The following ONECUT3 variants were observed in gnomAD, a reference collection of about 807,000 sequenced individuals.
ONECUT3 encodes one cut homeobox 3.
Under a neutral mutation model 16.8 loss-of-function variants are expected in ONECUT3, and 11 were observed. That is an observed-to-expected ratio of 0.66 (90% CI 0.41 to 1.09). The LOEUF is 1.09. Among genes scored for constraint, ONECUT3 ranks in the 50% least tolerant of loss-of-function variants. ONECUT3 has a pLI of 0.00. For synonymous variants in ONECUT3, 344 were observed against 310.7 expected, an observed-to-expected ratio of 1.11 and a Z score of -1.13; for missense variants, 637 against 629.9, an observed-to-expected ratio of 1.01 and a Z score of -0.12.
In ONECUT3 at chr19:1,775,790, A is replaced by C; in HGVS notation, c.*345A>C. 1 of 203,106 alleles carries C rather than the reference A, an allele frequency of 4.9e-6. No homozygotes were observed. Among genetic ancestry groups the C allele is most frequent in the Non-Finnish European group, 9.8e-6 (1 of 102,446 alleles). The allele number at this position is 203,106 out of a possible 1,614,324, so 12.6% of individuals were successfully genotyped here. A position where few individuals can be genotyped will look rare whatever the true frequency, so the allele number is the denominator to read the frequency against. ...ACCAGGGCTCACTGTGTTGTCCCCT[A>C]AAGCGGGTCAAGAAGCACATACTAG... On this transcript the variant is annotated 3_prime_UTR_variant, in exon 2 of 2. Transcript: ENST00000382349.
At position 1,780,313 on chromosome 19, in the gene ONECUT3, G is replaced by C. The variant is rs981824830; in HGVS notation, c.*4868G>C. The C allele has an allele frequency of 1.3e-5, 2 of 152,116 alleles. No individual in the cohort carries two copies. Among genetic ancestry groups the C allele is most frequent in the African/African-American group, 4.8e-5 (2 of 41,406 alleles). 9.4% of individuals were successfully genotyped at this position (152,116 alleles called of 1,614,324 possible). A position where few individuals can be genotyped will look rare whatever the true frequency, so the allele number is the denominator to read the frequency against. On this transcript the variant is annotated 3_prime_UTR_variant, in exon 2 of 2. Transcript: ENST00000382349. Reference sequence around the variant, plus strand: ...TCCCAGCCCACTTTCGGAGCCTACAGAACAGAGGACTCCCCAAAATCATCA... The same window carrying C: ...TCCCAGCCCACTTTCGGAGCCTACACAACAGAGGACTCCCCAAAATCATCA...
intron 1 of ONECUT3, among the ~76,000 whole-genome samples, chr19:1,774,086 C>T: frequency 6.6e-6 from 1 of 152,042 alleles, no homozygotes; most frequent in East Asian, 1.9e-4. Flanking sequence ...CCCTCCTCCT[C>T]CAAAGTCTTC....
In ONECUT3 at chr19:1,754,756, C is replaced by A. The variant is rs750912248; in HGVS notation, c.1094C>A (p.Pro365Gln). 4 of 1,571,090 alleles carry A rather than the reference C, an allele frequency of 2.5e-6. No individual in the cohort carries two copies. Among genetic ancestry groups the A allele is most frequent in the Non-Finnish European group, 3.4e-6 (4 of 1,161,152 alleles). The change falls in exon 1 of 2, where the codon CCG (proline) becomes CAG (glutamine). Residue 365 changes from proline (P) to glutamine (Q), a missense_variant. By Grantham distance (76) the Pro-to-Gln change is moderately conservative. Transcript: ENST00000382349. This position sits in a 1 kb window ranked among gnomAD's most constrained non-coding sequence, Gnocchi z 7.4. ...TCCGACCTGCTGCGCAACCCCAAGC[C>A]GTGGAGCAAGCTCAAATCCGGCCGC... ...TLSDLLRNPK[P>Q]WSKLKSGRET...
chr19:1,759,453 C>G lies in ONECUT3; in HGVS notation c.1192+4599C>G, dbSNP rs1294600970. 6.6e-6 allele frequency among the ~76,000 whole-genome samples: 1 copy of G among 150,722 alleles called. No homozygotes were observed. The highest frequency in any genetic ancestry group is 2.4e-5 in the African/African-American group (1 of 40,852). ...GCACTCTGGAACCCCCACCCAAACT[C>G]TGGATGAAGGGGAGGGATGAGCAGG... On this transcript the variant is annotated intron_variant, in intron 1 of 1. Transcript: ENST00000382349. The surrounding 1 kb of genome is among the most constrained non-coding windows in gnomAD (Gnocchi z 4.1).
chr19:1,757,575 G>A (rs2067923270), intron 1 of ONECUT3, among the ~76,000 whole-genome samples: 1 of 151,912 alleles, frequency 6.6e-6, no homozygotes, highest in African/African-American at 2.4e-5. Flanking sequence ...GCCCCGCCGC[G>A]CGGCCCCGCG....
At chr19:1,761,854 C>T (rs553004137) in intron 1 of ONECUT3, among the ~76,000 whole-genome samples, 1 of 152,148 alleles carries the variant, frequency 6.6e-6, no homozygotes, top group Non-Finnish European at 1.5e-5. Context: ...CTCCTGAGTC[C>T]CGAGTGTGGG....
rs558921920 is a variant in ONECUT3, at chr19:1,753,734, C to G, written c.72C>G (p.Ser24Arg). Residue 24 changes from serine (S) to arginine (R), a missense_variant, in exon 1 of 2, where the codon AGC becomes AGG. Transcript: ENST00000382349. ...ACGCGCAGGCGGGCGAGCTGCTGAG[C>G]CCGGGCCACGCGCGCTCGGCGGCGG... is the stretch of plus-strand genomic sequence containing the variant. ...VAHAQAGELLSPGHARSAAAQ... is the reference protein window; with the variant it reads ...VAHAQAGELLRPGHARSAAAQ... 434 of 1,030,026 alleles carry G rather than the reference C, an allele frequency of 4.2e-4. 1 individual carries two copies. The highest frequency in any genetic ancestry group is 3.5e-3 in the African/African-American group (204 of 57,618). 63.8% of individuals were successfully genotyped at this position (1,030,026 alleles called of 1,614,324 possible).
rs574984811 is a variant in ONECUT3, at chr19:1,765,132, G to A, written c.1193-10021G>A. 6.6e-5 allele frequency among the ~76,000 whole-genome samples: 10 copies of A among 152,216 alleles called. No individual in the cohort carries two copies. In the East Asian group the frequency reaches 1.7e-3, roughly 26 times the overall value. ...TTGAATCGCCCATTGCTGCATCCTG[G>A]GGCGTCTTCTTCTCCCTTGGGCATT... On this transcript the variant is annotated intron_variant, in intron 1 of 1. Transcript: ENST00000382349.
intron 1 of ONECUT3, among the ~76,000 whole-genome samples, chr19:1,774,771 G>GCACTCA (rs1403195529): frequency 2.0e-5 from 3 of 151,898 alleles, no homozygotes; most frequent in Admixed American, 6.6e-5. Flanking sequence ...CTGCAGAGGG[G>GCACTCA]CACTCACACT....
chr19:1,772,016 T>G (rs1370912910), intron 1 of ONECUT3, among the ~76,000 whole-genome samples: 1 of 150,032 alleles, frequency 6.7e-6, no homozygotes, highest in Admixed American at 6.6e-5. Flanking sequence ...TATTTATTTA[T>G]TTATTTATTT....
intron 1 of ONECUT3, among the ~76,000 whole-genome samples, chr19:1,757,844 C>T (rs1383825177): frequency 6.6e-6 from 1 of 152,188 alleles, no homozygotes; most frequent in Admixed American, 6.5e-5. Flanking sequence ...CGCCCCAACG[C>T]TGGTGCTCGG....
In ONECUT3 at chr19:1,777,304, T is replaced by G. The variant is rs1040516257; in HGVS notation, c.*1859T>G. On this transcript the variant is annotated 3_prime_UTR_variant, in exon 2 of 2. Transcript: ENST00000382349. ...ACAGACACACATGCAGACACACACATGCAGACAACACGCAGACACACACAT... is the reference window on the plus strand; with the variant it reads ...ACAGACACACATGCAGACACACACAGGCAGACAACACGCAGACACACACAT... The G allele has an allele frequency of 1.3e-5, 2 of 150,202 alleles. No individual in the cohort carries two copies. Among genetic ancestry groups the G allele is most frequent in the African/African-American group, 4.9e-5 (2 of 41,142 alleles). The allele number at this position is 150,202 out of a possible 1,614,324, so 9.3% of individuals were successfully genotyped here.
intron 1 of ONECUT3, among the ~76,000 whole-genome samples, chr19:1,767,638 G>A (rs1182807508): frequency 6.6e-6 from 1 of 152,206 alleles, no homozygotes; most frequent in African/African-American, 2.4e-5. Context: ...TGGACACAGC[G>A]GGAACAGCAG....
intron 1 of ONECUT3, among the ~76,000 whole-genome samples, chr19:1,771,079 CAGG>C (rs2068050143): frequency 6.6e-6 from 1 of 152,138 alleles, no homozygotes; most frequent in Non-Finnish European, 1.5e-5. Context: ...TTTGGTTTTC[CAGG>C]AGTTGATAGC....
intron 1 of ONECUT3, among the ~76,000 whole-genome samples, chr19:1,771,319 T>C (rs2145966380): frequency 6.6e-6 from 1 of 152,340 alleles, no homozygotes; most frequent in South Asian, 2.1e-4. Flanking sequence ...ATCCTTTTTT[T>C]ATTTACCTCC....
At chr19:1,761,129 T>C (rs2067944411) in intron 1 of ONECUT3, among the ~76,000 whole-genome samples, 1 of 145,166 alleles carries the variant, frequency 6.9e-6, no homozygotes, top group African/African-American at 2.6e-5. Flanking sequence ...CTCGGCTCAC[T>C]GCAACCTCTG....
chr19:1,763,890 C>T (rs939095335), intron 1 of ONECUT3, among the ~76,000 whole-genome samples: 1 of 152,194 alleles, frequency 6.6e-6, no homozygotes, highest in African/African-American at 2.4e-5. Flanking sequence ...CACTTCCCCG[C>T]CCCGCTGACA....
At chr19:1,772,946 G>A (rs989411696) in intron 1 of ONECUT3, among the ~76,000 whole-genome samples, 38 of 141,948 alleles carry the variant, frequency 2.7e-4, no homozygotes, top group Non-Finnish European at 4.1e-4. Context: ...CTCGTGATCC[G>A]CCCGCCTCGG....
chr19:1,775,133 CG>C lies in ONECUT3; in HGVS notation c.1193-19del. Reference sequence around the variant, plus strand: ...TGGCGCTGTGTCCCGCTCGCCCGCCCGCCCGCCGCTCGCCCGCAGCCTGCAA... The same window carrying C: ...TGGCGCTGTGTCCCGCTCGCCCGCCCCCCGCCGCTCGCCCGCAGCCTGCAA... On this transcript the variant is annotated intron_variant, in intron 1 of 1. Transcript: ENST00000382349. The C allele has an allele frequency of 3.8e-5, 49 of 1,281,842 alleles. No individual in the cohort carries two copies. Among genetic ancestry groups the C allele is most frequent in the Non-Finnish European group, 5.0e-5 (47 of 946,392 alleles). The allele number at this position is 1,281,842 out of a possible 1,614,324, so 79.4% of individuals were successfully genotyped here.
Sources: gnomAD v4.1 joint callset for allele counts (sites outside exome capture counted in the v4.1 genomes callset) on GRCh38, gnomAD v4.1.1 for gene constraint, Gnocchi (gnomAD v3.1) non-coding constraint, MANE v1.5 for transcripts, NCBI Gene and HGNC (gene_info 2026-07-23, HGNC 2026-07-21) for gene names.